LRRC7: variants seen among roughly 807,000 people sequenced by gnomAD.
LRRC7 encodes the protein leucine-rich repeat-containing protein 7.
In LRRC7, 23 loss-of-function variants were observed where a neutral mutation model predicts 175.7. The ratio of observed to expected loss-of-function variants is 0.13; its 90% CI spans 0.09 to 0.19. LRRC7 has a LOEUF of 0.19. LRRC7 is among the 10% of genes least tolerant of loss of function. The pLI is 1.00. For missense variants in LRRC7, 1,354 were observed against 1,904.7 expected (o/e 0.71, Z 5.38); for synonymous variants, 685 against 680.9 (o/e 1.01, Z -0.09).
intron 8 of LRRC7, among the ~76,000 whole-genome samples, chr1:69,933,449 T>A (rs1647596469): frequency 6.6e-6 from 1 of 152,168 alleles, no homozygotes; most frequent in Admixed American, 6.5e-5. Context: ...GTTTTAAAAA[T>A]AAGTTGTTAA....
rs1329327784 is a variant in LRRC7, at chr1:70,137,829, C to T, written c.*15942C>T. On this transcript the variant is annotated 3_prime_UTR_variant, in exon 27 of 27. Coordinates refer to ENST00000651989, the MANE Select transcript of LRRC7 (RefSeq NM_001370785.2). ...CCTCTCTAAGCACTAAGAAGTATAGCCATCTAAATCCTTACAACTTATTCT... is the reference window on the plus strand; with the variant it reads ...CCTCTCTAAGCACTAAGAAGTATAGTCATCTAAATCCTTACAACTTATTCT... Among the ~76,000 whole-genome samples, 1 of 152,190 alleles carries T rather than the reference C, an allele frequency of 6.6e-6. No homozygotes were observed. Among genetic ancestry groups the T allele is most frequent in the Non-Finnish European group, 1.5e-5 (1 of 68,028 alleles).
Position 70,053,062 on chromosome 1 carries a change from CAAG to C in LRRC7, c.4152_4154del (p.Glu1384del), listed in dbSNP as rs766728347. On this transcript the variant is annotated inframe_deletion, in exon 23 of 27. Transcript: ENST00000651989. ...GCAAAGCAACATTTTAGACAATGGACAAGAAGATGTATCTCCTAGTGGCCAATG... is the reference window on the plus strand; with the variant it reads ...GCAAAGCAACATTTTAGACAATGGACAAGATGTATCTCCTAGTGGCCAATG... 2 of 1,609,986 alleles carry C rather than the reference CAAG, an allele frequency of 1.2e-6. No individual in the cohort carries two copies. The highest frequency in any genetic ancestry group is 1.7e-6 in the Non-Finnish European group (2 of 1,177,932).
intron 1 of LRRC7, among the ~76,000 whole-genome samples, chr1:69,669,884 G>A (rs1658815814): frequency 1.3e-5 from 2 of 151,980 alleles, no homozygotes; most frequent in East Asian, 1.9e-4. Context: ...TCTTCAGTAT[G>A]CCAATTGGAT....
chr1:69,906,101 G>C (rs567151455), intron 7 of LRRC7, among the ~76,000 whole-genome samples: 49 of 152,210 alleles, frequency 3.2e-4, no homozygotes, highest in African/African-American at 1.2e-3. Flanking sequence ...TTTTTGATGG[G>C]GTTGTTTGTT....
chr1:70,108,733 GACAAGAC>G (rs1665312644), intron 26 of LRRC7, among the ~76,000 whole-genome samples: 1 of 152,232 alleles, frequency 6.6e-6, no homozygotes, highest in South Asian at 2.1e-4. Context: ...TCACTGAGAA[GACAAGAC>G]ATGTGAAAAG....
chr1:69,809,762 A>G (rs374688639), intron 4 of LRRC7, among the ~76,000 whole-genome samples: 114 of 152,312 alleles, frequency 7.5e-4, no homozygotes, highest in Middle Eastern at 3.4e-3. Flanking sequence ...CTAGCTATTG[A>G]TGGAATGTAT....
chr1:70,114,585 G>C (rs1665732425), intron 26 of LRRC7, among the ~76,000 whole-genome samples: 1 of 152,134 alleles, frequency 6.6e-6, no homozygotes, highest in Non-Finnish European at 1.5e-5. Flanking sequence ...CTACTCAAGA[G>C]GCTGAGGTAG....
At chr1:69,972,774 A>G (rs1463581542) in intron 8 of LRRC7, among the ~76,000 whole-genome samples, 1 of 151,976 alleles carries the variant, frequency 6.6e-6, no homozygotes, top group Non-Finnish European at 1.5e-5. Context: ...CTGGGTATCT[A>G]CCCAGAAGAA....
intron 3 of LRRC7, among the ~76,000 whole-genome samples, chr1:69,789,817 C>T (rs1281094465): frequency 6.6e-6 from 1 of 152,020 alleles, no homozygotes; most frequent in Non-Finnish European, 1.5e-5. Flanking sequence ...CCTCCGTCAT[C>T]TAGAAAAGTA....
At chr1:69,927,212 C>G (rs1647106959) in intron 7 of LRRC7, among the ~76,000 whole-genome samples, 1 of 152,294 alleles carries the variant, frequency 6.6e-6, no homozygotes, top group East Asian at 1.9e-4. Context: ...TGTGGGTAAC[C>G]CGACCTTTCT....
chr1:69,943,987 CAA>C (rs1557916203), intron 8 of LRRC7, among the ~76,000 whole-genome samples: 4 of 146,488 alleles, frequency 2.7e-5, no homozygotes, highest in Non-Finnish European at 6.0e-5. Flanking sequence ...CACACACACA[CAA>C]CATGAGATTT....
intron 7 of LRRC7, among the ~76,000 whole-genome samples, chr1:69,851,070 A>G (rs1682926308): frequency 6.6e-6 from 1 of 152,096 alleles, no homozygotes; most frequent in Non-Finnish European, 1.5e-5. Context: ...AGGTAGTGCC[A>G]CTGAAGCCTA....
chr1:69,788,406 C>T (rs1674737153), intron 3 of LRRC7, among the ~76,000 whole-genome samples: 1 of 152,148 alleles, frequency 6.6e-6, no homozygotes, highest in African/African-American at 2.4e-5. Flanking sequence ...TTTAGTTCAC[C>T]ATACTTCTGA....
At chr1:69,652,568 C>A (rs1413040383) in intron 1 of LRRC7, among the ~76,000 whole-genome samples, 1 of 152,054 alleles carries the variant, frequency 6.6e-6, no homozygotes. Context: ...AAATTCAATG[C>A]AATCTCTACC....
chr1:70,004,232 A>C (rs1355956284), intron 11 of LRRC7, among the ~76,000 whole-genome samples: 1 of 152,158 alleles, frequency 6.6e-6, no homozygotes, highest in African/African-American at 2.4e-5. Flanking sequence ...TGGTACTAAA[A>C]TGGGGTGTGT....
At chr1:69,686,058 A>G (rs1430005169) in intron 2 of LRRC7, among the ~76,000 whole-genome samples, 1 of 152,194 alleles carries the variant, frequency 6.6e-6, no homozygotes, top group African/African-American at 2.4e-5. Context: ...AAATGACAGT[A>G]TATTTTCATC....
chr1:69,919,217 T>C (rs1383166229), intron 7 of LRRC7: 1 of 330,028 alleles, frequency 3.0e-6, no homozygotes, highest in Non-Finnish European at 5.5e-6. Flanking sequence ...CTGCAGTCCA[T>C]AGGGTGTCAT....
intron 2 of LRRC7, among the ~76,000 whole-genome samples, chr1:69,683,228 C>G (rs956890701): frequency 6.6e-6 from 1 of 152,130 alleles, no homozygotes; most frequent in Admixed American, 6.5e-5. Context: ...TTCTCTCCTA[C>G]GTTCACTCTA....
At chr1:69,869,455 G>A (rs751259278) in intron 7 of LRRC7, among the ~76,000 whole-genome samples, 1 of 152,014 alleles carries the variant, frequency 6.6e-6, no homozygotes, top group Non-Finnish European at 1.5e-5. Context: ...AGGAAATGAT[G>A]AATTCAGTTT....
Sources: gnomAD v4.1 joint callset for allele counts (sites outside exome capture counted in the v4.1 genomes callset) on GRCh38, gnomAD v4.1.1 for gene constraint, MANE v1.5 for transcripts, NCBI Gene and HGNC (gene_info 2026-07-23, HGNC 2026-07-21) for gene names.